Variants in PACS1 observed in about 807,000 individuals in gnomAD.
PACS1 encodes phosphofurin acidic cluster sorting protein 1.
In PACS1, 24 loss-of-function variants were observed where a neutral mutation model predicts 115.0. That is an observed-to-expected ratio of 0.21 (90% CI 0.15 to 0.29). PACS1 has a LOEUF of 0.29. PACS1 is among the 10% of genes least tolerant of loss of function. The pLI, the probability that PACS1 is intolerant of heterozygous loss-of-function variation, is 1.00. For missense variants in PACS1, 838 were observed against 1,251.2 expected (o/e 0.67, Z 4.98); for synonymous variants, 453 against 504.5 (o/e 0.90, Z 1.37).
intron 1 of PACS1, among the ~76,000 whole-genome samples, chr11:66,119,163 A>G (rs1406498138): frequency 6.6e-6 from 1 of 152,230 alleles, no homozygotes; most frequent in East Asian, 1.9e-4. Flanking sequence ...CTTTGGTTTA[A>G]TGCAGGATCA....
Position 66,239,222 on chromosome 11 carries a change from G to A in PACS1, c.2374G>A (p.Ala792Thr), listed in dbSNP as rs1855762744. ...PPSSSGLSRD[A>T]TATPPSSPSM... ...CTCCAGCTCGGGCCTGAGCCGAGACGCCACGGCCACCCCTCCCTCCTCCCC... is the reference window on the plus strand; with the variant it reads ...CTCCAGCTCGGGCCTGAGCCGAGACACCACGGCCACCCCTCCCTCCTCCCC... Residue 792 changes from alanine (A) to threonine (T), a missense_variant, in exon 21 of 24, where the codon GCC (alanine) becomes ACC (threonine). Physicochemically the swap from Ala to Thr is moderately conservative, Grantham distance 58. Coordinates refer to ENST00000320580, the MANE Select transcript of PACS1 (RefSeq NM_018026.4). 3.1e-6 allele frequency: 5 copies of A among 1,613,826 alleles called. No homozygotes were observed. Among genetic ancestry groups the A allele is most frequent in the Admixed American group, 1.7e-5 (1 of 60,012 alleles).
chr11:66,071,273 G>A (rs1421864332), intron 1 of PACS1, among the ~76,000 whole-genome samples: 2 of 152,202 alleles, frequency 1.3e-5, no homozygotes, highest in African/African-American at 4.8e-5. Context: ...ACCTCTTGCA[G>A]GTAAAGCTCA....
chr11:66,177,452 T>G (rs1859893647), intron 1 of PACS1, among the ~76,000 whole-genome samples: 1 of 152,050 alleles, frequency 6.6e-6, no homozygotes, highest in Non-Finnish European at 1.5e-5. Flanking sequence ...TGGCCTCCCA[T>G]AGTGCTGGGA....
chr11:66,238,763 T>C (rs1265270075), intron 19 of PACS1, 41 bp from the exon 20 acceptor site: 1 of 1,552,602 alleles, frequency 6.4e-7, no homozygotes. Flanking sequence ...CATGCCTGCT[T>C]TAACAGGAGG....
chr11:66,199,810 G>A (rs1854733771), intron 2 of PACS1, among the ~76,000 whole-genome samples: 1 of 149,382 alleles, frequency 6.7e-6, no homozygotes, highest in African/African-American at 2.5e-5. Flanking sequence ...ATGAGGTCAG[G>A]AGTTCGAGAC....
intron 2 of PACS1, among the ~76,000 whole-genome samples, chr11:66,198,115 G>C (rs978689815): frequency 1.3e-5 from 2 of 152,182 alleles, no homozygotes; most frequent in Non-Finnish European, 2.9e-5. Flanking sequence ...AGGTCTTGCT[G>C]TGTTGCCCAG....
Position 66,236,476 on chromosome 11 carries a change from G to A in PACS1, c.2250+536G>A, listed in dbSNP as rs969478460. Among the ~76,000 whole-genome samples, 7 of 152,164 alleles carry A rather than the reference G, an allele frequency of 4.6e-5. No homozygotes were observed. The highest frequency in any genetic ancestry group is 8.8e-5 in the Non-Finnish European group (6 of 68,030). On this transcript the variant is annotated intron_variant, in intron 19 of 23. Transcript: ENST00000320580. The surrounding 1 kb of genome is among the most constrained non-coding windows in gnomAD (Gnocchi z 4.2). ...TTCATGGTTGGATAGGCCACTGAGA[G>A]GAAGGCTTTCTTCTTTCCTTTTCTA...
chr11:66,230,564 A>T lies in PACS1; in HGVS notation c.1391A>T (p.Asp464Val). 6.2e-7 allele frequency: 1 copy of T among 1,613,822 alleles called. No homozygotes were observed. The highest frequency in any genetic ancestry group is 8.5e-7 in the Non-Finnish European group (1 of 1,179,710). The change falls in exon 12 of 24, where the codon GAC becomes GTC. Residue 464 changes from aspartate to valine, a missense_variant. Asp to Val is a radical substitution (Grantham distance 152). Transcript: ENST00000320580. ...CCATGGTAGGAAATCACTGACCAGG[A>T]CATGTTTGGAGATGCCAGCACGAGT... The part of the protein sequence containing the change: ...ETDTLEITDQ[D>V]MFGDASTSLV...
At chr11:66,191,164 C>T (rs1854511350) in intron 1 of PACS1, among the ~76,000 whole-genome samples, 1 of 152,190 alleles carries the variant, frequency 6.6e-6, no homozygotes, top group Admixed American at 6.5e-5. Context: ...CTTGAGGCTG[C>T]ATATTCCTTG....
intron 1 of PACS1, among the ~76,000 whole-genome samples, chr11:66,102,415 C>T (rs1009431488): frequency 6.6e-6 from 1 of 151,944 alleles, no homozygotes; most frequent in African/African-American, 2.4e-5. Flanking sequence ...ACCTCCGCCT[C>T]CCAGGTTCAA....
chr11:66,182,188 T>C (rs1565137026), intron 1 of PACS1, among the ~76,000 whole-genome samples: 2 of 152,146 alleles, frequency 1.3e-5, no homozygotes, highest in African/African-American at 4.8e-5. Context: ...AGATAGAAAA[T>C]GTCATACATT....
intron 10 of PACS1, among the ~76,000 whole-genome samples, chr11:66,223,138 G>A (rs987024600): frequency 6.6e-6 from 1 of 151,726 alleles, no homozygotes; most frequent in African/African-American, 2.4e-5. Flanking sequence ...TATCGCCCAG[G>A]CAGGAGTGCA....
intron 1 of PACS1, among the ~76,000 whole-genome samples, chr11:66,172,299 G>A (rs956564482): frequency 8.5e-5 from 13 of 152,134 alleles, no homozygotes; most frequent in South Asian, 2.1e-4. Context: ...TGACTCACAC[G>A]CCCACACCGA....
rs1056141071 is a variant in PACS1 at position 66,171,631 on chromosome 11, G to A, written c.357-21855G>A. On this transcript the variant is annotated intron_variant, in intron 1 of 23. Coordinates refer to ENST00000320580, the MANE Select transcript of PACS1 (RefSeq NM_018026.4). Reference sequence around the variant, plus strand: ...GTCTCGCTCTGTCGCCCAGGCTGGAGTGCAGTGGCGCAATCTCGGCTCACT... The same window carrying A: ...GTCTCGCTCTGTCGCCCAGGCTGGAATGCAGTGGCGCAATCTCGGCTCACT... Among the ~76,000 whole-genome samples the A allele has an allele frequency of 2.7e-5, 4 of 149,618 alleles. 1 individual carries two copies. The highest frequency in any genetic ancestry group is 1.0e-4 in the African/African-American group (4 of 39,184).
At chr11:66,149,941 G>T (rs1270036366) in intron 1 of PACS1, among the ~76,000 whole-genome samples, 1 of 151,838 alleles carries the variant, frequency 6.6e-6, no homozygotes, top group Non-Finnish European at 1.5e-5. Context: ...TAGAGATGGG[G>T]TTTCTCCATG....
chr11:66,078,989 C>T (rs1435807361), intron 1 of PACS1, among the ~76,000 whole-genome samples: 1 of 152,200 alleles, frequency 6.6e-6, no homozygotes, highest in Non-Finnish European at 1.5e-5. Flanking sequence ...CTCACTGCAA[C>T]CTCTGTCTCC....
chr11:66,226,470 G>A (rs1855471809), intron 10 of PACS1, among the ~76,000 whole-genome samples: 1 of 152,206 alleles, frequency 6.6e-6, no homozygotes, highest in Non-Finnish European at 1.5e-5. Context: ...CACCTAGTGA[G>A]TAGAGGCCAG....
chr11:66,105,656 A>G (rs745932406), intron 1 of PACS1, among the ~76,000 whole-genome samples: 3 of 152,202 alleles, frequency 2.0e-5, no homozygotes, highest in Non-Finnish European at 4.4e-5. Context: ...ATGATTTTAA[A>G]TATGTATAAA....
chr11:66,219,450 G>T, intron 7 of PACS1: 1 of 523,278 alleles, frequency 1.9e-6, no homozygotes. Flanking sequence ...AATCCGAAGG[G>T]CAAGAGAAAG....
Sources: gnomAD v4.1 joint callset for allele counts (sites outside exome capture counted in the v4.1 genomes callset) on GRCh38, gnomAD v4.1.1 for gene constraint, Gnocchi (gnomAD v3.1) non-coding constraint, MANE v1.5 for transcripts, NCBI Gene and HGNC (gene_info 2026-07-23, HGNC 2026-07-21) for gene names.